The following WWOX variants were observed in gnomAD, a reference collection of about 807,000 sequenced individuals.
WWOX encodes WW domain containing oxidoreductase, also known as WW domain-containing oxidoreductase.
Under a neutral mutation model 46.2 loss-of-function variants are expected in WWOX, and 69 were observed. The observed-to-expected ratio is 1.49, with a 90% CI of 1.23 to 1.82. WWOX has a LOEUF of 1.82. WWOX is among the 40% of genes most tolerant of loss of function. The pLI, the probability that WWOX is intolerant of heterozygous loss-of-function variation, is 0.00. For missense variants in WWOX, 919 were observed against 542.6 expected (o/e 1.69, Z -6.89); for synonymous variants, 359 against 202.6 (o/e 1.77, Z -6.56).
intron 8 of WWOX, among the ~76,000 whole-genome samples, chr16:79,026,189 C>G (rs754054351): frequency 5.3e-5 from 8 of 151,660 alleles, no homozygotes; most frequent in Non-Finnish European, 1.2e-4. Flanking sequence ...GTGAACAACC[C>G]AAACCCTCAT....
intron 8 of WWOX, among the ~76,000 whole-genome samples, chr16:78,979,437 G>A (rs2046637611): frequency 6.6e-6 from 1 of 152,138 alleles, no homozygotes. Flanking sequence ...ATACGTACGT[G>A]ACAGGCTCCC....
chr16:78,408,385 G>A (rs909635415), intron 6 of WWOX, among the ~76,000 whole-genome samples: 6 of 152,014 alleles, frequency 3.9e-5, no homozygotes, highest in African/African-American at 1.4e-4. Context: ...AGCCACATGG[G>A]GCAACTTTAC....
intron 8 of WWOX, among the ~76,000 whole-genome samples, chr16:79,027,034 C>T (rs2151391098): frequency 6.6e-6 from 1 of 151,654 alleles, no homozygotes; most frequent in South Asian, 2.1e-4. Context: ...AATCCCAGCA[C>T]TTTGGGAGGT....
chr16:79,148,197 A>T (rs1393403178), intron 8 of WWOX, among the ~76,000 whole-genome samples: 1 of 152,166 alleles, frequency 6.6e-6, no homozygotes, highest in East Asian at 1.9e-4. Flanking sequence ...TAAAAGTCAT[A>T]TATTTTTGCA....
chr16:79,048,657 A>G (rs144813472), intron 8 of WWOX, among the ~76,000 whole-genome samples: 11 of 152,292 alleles, frequency 7.2e-5, no homozygotes, highest in Non-Finnish European at 1.0e-4. Flanking sequence ...TAAAGCATCA[A>G]TTGCTTATTT....
At chr16:78,776,653 T>A (rs926300026) in intron 8 of WWOX, among the ~76,000 whole-genome samples, 9 of 152,004 alleles carry the variant, frequency 5.9e-5, no homozygotes, top group Non-Finnish European at 1.2e-4. Flanking sequence ...CTGCCCGAGA[T>A]TGGGAAATTT....
intron 8 of WWOX, among the ~76,000 whole-genome samples, chr16:78,874,072 C>G (rs1318653146): frequency 6.6e-6 from 1 of 150,946 alleles, no homozygotes; most frequent in East Asian, 2.0e-4. Flanking sequence ...CCAGCCTGAC[C>G]AACCCTGTCT....
At chr16:78,644,936 G>A (rs1311586762) in intron 8 of WWOX, among the ~76,000 whole-genome samples, 1 of 152,184 alleles carries the variant, frequency 6.6e-6, no homozygotes, top group Middle Eastern at 3.2e-3. Context: ...TATTTTTGTG[G>A]AATTCTTTGA....
intron 6 of WWOX, 58 bp from the exon 7 acceptor site, chr16:78,424,812 G>C: frequency 6.3e-7 from 1 of 1,596,234 alleles, no homozygotes; most frequent in Non-Finnish European, 8.6e-7. Flanking sequence ...GAAGGAGCAT[G>C]GATTATCCTT....
At chr16:78,889,267 A>C (rs1218065059) in intron 8 of WWOX, among the ~76,000 whole-genome samples, 1 of 152,042 alleles carries the variant, frequency 6.6e-6, no homozygotes, top group Non-Finnish European at 1.5e-5. Flanking sequence ...TATATTGTTC[A>C]TATCTAATTA....
intron 8 of WWOX, among the ~76,000 whole-genome samples, chr16:78,746,799 C>T (rs1327590820): frequency 6.6e-6 from 1 of 152,046 alleles, no homozygotes; most frequent in Non-Finnish European, 1.5e-5. Flanking sequence ...CAATATCAGG[C>T]CAACCTCAAC....
intron 5 of WWOX, among the ~76,000 whole-genome samples, chr16:78,336,464 C>A (rs1187435515): frequency 7.0e-6 from 1 of 143,788 alleles, no homozygotes; most frequent in African/African-American, 2.6e-5. Flanking sequence ...CAAGATCTCA[C>A]CACTGCACTC....
chr16:78,598,791 CTTTTGTGCTTGGT>C (rs935906032), intron 8 of WWOX, among the ~76,000 whole-genome samples: 2 of 152,158 alleles, frequency 1.3e-5, no homozygotes, highest in African/African-American at 4.8e-5. Context: ...GGAGTCTTGG[CTTTTGTGCTTGGT>C]GAGACCTTAT....
intron 8 of WWOX, among the ~76,000 whole-genome samples, chr16:78,458,310 G>C (rs73572896): frequency 0.016 from 2,367 of 146,146 alleles, 67 homozygotes; most frequent in African/African-American, 0.055. Flanking sequence ...ATTCAGGCTA[G>C]AGTACAGTGG....
intron 5 of WWOX, among the ~76,000 whole-genome samples, chr16:78,365,695 A>G (rs532536382): frequency 2.6e-5 from 4 of 152,178 alleles, no homozygotes; most frequent in Non-Finnish European, 4.4e-5. Context: ...TGTGGAAGAA[A>G]TAGCCTCATT....
intron 8 of WWOX, among the ~76,000 whole-genome samples, chr16:78,661,969 G>A (rs968467210): frequency 3.3e-5 from 5 of 152,130 alleles, no homozygotes; most frequent in African/African-American, 7.2e-5. Flanking sequence ...ATTTGAGCCC[G>A]GTAGATGGAG....
chr16:78,540,994 A>G (rs892707715), intron 8 of WWOX, among the ~76,000 whole-genome samples: 2 of 152,082 alleles, frequency 1.3e-5, no homozygotes, highest in Non-Finnish European at 2.9e-5. Flanking sequence ...GTCCCCCACT[A>G]TTAATAAGGT....
chr16:78,100,077 A>C, intron 1 of WWOX, 192 bp downstream of exon 1: 3 of 1,388,988 alleles, frequency 2.2e-6, no homozygotes, highest in Non-Finnish European at 2.8e-6. Context: ...CCTCGGGTCC[A>C]GCGGGGGTCA....
At chr16:78,422,041 TTAC>T (rs990850749) in intron 6 of WWOX, among the ~76,000 whole-genome samples, 1 of 152,232 alleles carries the variant, frequency 6.6e-6, no homozygotes, top group Non-Finnish European at 1.5e-5. Context: ...ATTTTAATAT[TTAC>T]TACTAGTGTA....
Sources: gnomAD v4.1 joint callset for allele counts (sites outside exome capture counted in the v4.1 genomes callset) on GRCh38, gnomAD v4.1.1 for gene constraint, MANE v1.5 for transcripts, NCBI Gene and HGNC (gene_info 2026-07-23, HGNC 2026-07-21) for gene names.